The following CEP72 variants were observed in gnomAD, a reference collection of about 807,000 sequenced individuals.
The protein encoded by CEP72 is centrosomal protein 72.
CEP72 carries 78 observed loss-of-function variants against 65.7 expected under a neutral mutation model. The observed-to-expected ratio is 1.19, with a 90% confidence interval of 0.99 to 1.43. The LOEUF is 1.43. CEP72 is among the 40% of genes most tolerant of loss of function. The probability of loss-of-function intolerance (pLI) is 0.00; values close to 1 mark genes in which losing one functional copy is unlikely to be tolerated. For synonymous variants in CEP72, 358 were observed against 351.7 expected, an observed-to-expected ratio of 1.02 and a Z score of -0.20; for missense variants, 914 against 832.9, an observed-to-expected ratio of 1.10 and a Z score of -1.20.
chr5:650,312 CTG>C (rs1166242799), intron 11 of CEP72, among the ~76,000 whole-genome samples: 1 of 115,020 alleles, frequency 8.7e-6, no homozygotes, highest in African/African-American at 3.9e-5. Context: ...TGAGGTGTGA[CTG>C]TGAGGCGTGG....
intron 3 of CEP72, among the ~76,000 whole-genome samples, chr5:621,724 G>A (rs569338619): frequency 1.3e-4 from 20 of 152,346 alleles, no homozygotes; most frequent in African/African-American, 4.8e-4. Flanking sequence ...ACTGGCCTGC[G>A]GTATCTTGAT....
Position 635,599 on chromosome 5 carries a change from CT to C in CEP72, c.904+17del. 6.3e-7 allele frequency: 1 copy of C among 1,581,880 alleles called. No homozygotes were observed. Among genetic ancestry groups the C allele is most frequent in the Non-Finnish European group, 8.7e-7 (1 of 1,152,092 alleles). On this transcript the variant is annotated intron_variant, in intron 6 of 11. Transcript: ENST00000264935. ...CCCACACCCAGGTACTTACGCGTGT[CT>C]TAGTCTGTTTTCTGTTGCTGTAACA...
In CEP72 at chr5:623,693, C is replaced by T. The variant is rs1049433488; in HGVS notation, c.404-778C>T. Among the ~76,000 whole-genome samples the T allele has an allele frequency of 1.3e-5, 2 of 151,978 alleles. No individual in the cohort carries two copies. Among genetic ancestry groups the T allele is most frequent in the African/African-American group, 4.8e-5 (2 of 41,346 alleles). ...GATTGGGTGCAGGTCTCCTGGCGCA[C>T]GTGTCTCCTGAGGGTGCCCTGTGTG... On this transcript the variant is annotated intron_variant, in intron 3 of 11. Coordinates refer to ENST00000264935, the MANE Select transcript of CEP72 (RefSeq NM_018140.4). The surrounding 1 kb of genome is among the most constrained non-coding windows in gnomAD (Gnocchi z 5.3).
downstream of CEP72, among the ~76,000 whole-genome samples, chr5:658,723 C>T (rs549825579): frequency 8.6e-6 from 1 of 116,242 alleles, no homozygotes; most frequent in East Asian, 3.2e-4. Flanking sequence ...GGCTGGAGTG[C>T]AGTGGCGTGA....
intron 1 of CEP72, among the ~76,000 whole-genome samples, chr5:614,641 A>G (rs1487398017): frequency 2.0e-5 from 3 of 152,060 alleles, no homozygotes; most frequent in Admixed American, 1.3e-4. Context: ...GATTACAGGC[A>G]TGATCCACCG....
chr5:633,945 A>C lies in CEP72; in HGVS notation c.689A>C (p.Gln230Pro). Residue 230 changes from glutamine (Q) to proline (P), a missense_variant and splice_region_variant, in exon 5 of 12, where the codon CAA (glutamine) becomes CCA (proline). Gln to Pro is a moderately conservative substitution (Grantham distance 76). Transcript: ENST00000264935. ...CGTGAGGCCGACTCTCGTGGTTCCC[A>C]AGGTGCGCTGCTCATCTGCCAGGAG... ...KGREADSRGS[Q>P]ESRHLLSPQL... is the part of the protein sequence containing the mutation. The C allele has an allele frequency of 6.2e-7, 1 of 1,611,174 alleles. No individual in the cohort carries two copies. Among genetic ancestry groups the C allele is most frequent in the Non-Finnish European group, 8.5e-7 (1 of 1,179,942 alleles).
chr5:670,224 C>T (rs918695491), downstream of CEP72, among the ~76,000 whole-genome samples: 50 of 152,116 alleles, frequency 3.3e-4, no homozygotes, highest in African/African-American at 1.1e-3. Context: ...CCGCTGGGCT[C>T]GGGACTGTGC....
At position 633,863 on chromosome 5, in the gene CEP72, G is replaced by T; in HGVS notation, c.607G>T (p.Glu203Ter). 3 of 1,613,908 alleles carry T rather than the reference G, an allele frequency of 1.9e-6. No homozygotes were observed. The highest frequency in any genetic ancestry group is 2.5e-6 in the Non-Finnish European group (3 of 1,180,048). ...CGAGGCAGTCCTGAACCTCATTGCA[G>T]AGTGCGAGTGGGACCTCGGCAGGCC... ...DDEAVLNLIA[E>*]CEWDLGRPPG... Residue 203 changes from glutamate (E) to a stop codon, truncating the protein, a stop_gained, in exon 5 of 12, where the codon GAG (glutamate) becomes TAG (stop). Transcript: ENST00000264935. LOFTEE classifies it high-confidence loss of function.
At chr5:612,653 C>G (rs531981074) in intron 1 of CEP72, 2 of 978,822 alleles carry the variant, frequency 2.0e-6, no homozygotes, top group South Asian at 4.7e-5. Flanking sequence ...GCGTTCGGGT[C>G]CCGGCGTCCC....
At chr5:635,826 G>A (rs1310098317) in intron 6 of CEP72, among the ~76,000 whole-genome samples, 12 of 152,266 alleles carry the variant, frequency 7.9e-5, no homozygotes, top group Admixed American at 2.0e-4. Context: ...CCAGCCCTGC[G>A]CTACAGCATT....
the CEP72 span, among the ~76,000 whole-genome samples, chr5:675,468 G>GTTGCA: frequency 7.7e-6 from 1 of 130,314 alleles, no homozygotes; most frequent in Non-Finnish European, 1.8e-5. Flanking sequence ...CAGCACAGGG[G>GTTGCA]GTGCAGTGTG....
intron 9 of CEP72, chr5:641,052 T>C: frequency 1.0e-6 from 1 of 985,466 alleles, no homozygotes. Flanking sequence ...AACCTGCATT[T>C]ATCACCTTGG....
At chr5:672,067 C>A (rs1740241952), downstream of CEP72, among the ~76,000 whole-genome samples, 1 of 152,252 alleles carries the variant, frequency 6.6e-6, no homozygotes, top group Non-Finnish European at 1.5e-5. Flanking sequence ...ACACTGTGAC[C>A]TGGATTCTCT....
chr5:672,696 C>G, the CEP72 span, among the ~76,000 whole-genome samples: 1 of 152,204 alleles, frequency 6.6e-6, no homozygotes. Flanking sequence ...CTGGGAGATT[C>G]GCTGTCCATG....
downstream of CEP72, among the ~76,000 whole-genome samples, chr5:670,328 G>A (rs1323648525): frequency 6.6e-6 from 1 of 152,170 alleles, no homozygotes; most frequent in African/African-American, 2.4e-5. Flanking sequence ...CAGCTCCCCT[G>A]GGCTCTCTGG....
rs545233262 is a variant in CEP72 at position 634,518 on chromosome 5, A to T, written c.691+571A>T. Among the ~76,000 whole-genome samples, 6 of 152,304 alleles carry T rather than the reference A, an allele frequency of 3.9e-5. No homozygotes were observed. The South Asian group carries it at 8.3e-4, about 21-fold the overall frequency. On this transcript the variant is annotated intron_variant, in intron 5 of 11. Transcript: ENST00000264935. ...AAATCTTAGGTTCATCTGTGCAAAG[A>T]TGTCTGCCCTGTGGCAGCGGTGCTC...
At chr5:647,336 G>A (rs558434977) in intron 10 of CEP72, among the ~76,000 whole-genome samples, 3 of 152,394 alleles carry the variant, frequency 2.0e-5, no homozygotes, top group African/African-American at 7.2e-5. Flanking sequence ...GTTTGTAGAT[G>A]GAAACCAGCC....
intron 1 of CEP72, among the ~76,000 whole-genome samples, chr5:614,667 G>A (rs1735881347): frequency 6.6e-6 from 1 of 151,986 alleles, no homozygotes; most frequent in Admixed American, 6.6e-5. Context: ...GGCCTGACCT[G>A]TGGATTTTTA....
chr5:643,319 A>G, intron 9 of CEP72: 2 of 985,432 alleles, frequency 2.0e-6, no homozygotes, highest in Non-Finnish European at 2.4e-6. Context: ...TGGACGACCC[A>G]AAGCCCCGCG....
Sources: allele counts gnomAD v4.1 joint callset (sites outside exome capture counted in the v4.1 genomes callset), GRCh38; gene constraint gnomAD v4.1.1; non-coding constraint Gnocchi (gnomAD v3.1); transcripts MANE v1.5; gene names NCBI Gene and HGNC (gene_info 2026-07-23, HGNC 2026-07-21).